The following DEPTOR variants were observed in gnomAD, a reference collection of about 807,000 sequenced individuals.
DEPTOR encodes DEP domain containing MTOR interacting protein, also known as DEP domain-containing mTOR-interacting protein.
Under a neutral mutation model 41.6 loss-of-function variants are expected in DEPTOR, and 41 were observed. The observed-to-expected ratio is 0.98, with a 90% CI of 0.77 to 1.28. The LOEUF is 1.28. Ranked by LOEUF, DEPTOR falls within the 50% of genes most tolerant of loss-of-function variation. The pLI, the probability that DEPTOR is intolerant of heterozygous loss-of-function variation, is 0.00. For synonymous variants in DEPTOR, 195 were observed against 192.3 expected (o/e 1.01, Z -0.12); for missense variants, 514 against 527.9 (o/e 0.97, Z 0.26).
At chr8:119,920,694 G>C (rs532764208) in intron 1 of DEPTOR, among the ~76,000 whole-genome samples, 2 of 152,186 alleles carry the variant, frequency 1.3e-5, no homozygotes, top group African/African-American at 4.8e-5. Context: ...AGGGTGGAAG[G>C]CCTCCTTAGC....
intron 3 of DEPTOR, among the ~76,000 whole-genome samples, chr8:119,934,546 T>A (rs779494885): frequency 6.6e-6 from 1 of 152,152 alleles, no homozygotes; most frequent in Non-Finnish European, 1.5e-5. Flanking sequence ...ATCTGCAGTC[T>A]ACCGTGGAGA....
At chr8:119,958,280 G>C (rs1563976006) in intron 3 of DEPTOR, among the ~76,000 whole-genome samples, 1 of 152,108 alleles carries the variant, frequency 6.6e-6, no homozygotes, top group Non-Finnish European at 1.5e-5. Context: ...CTGTTGCTTG[G>C]ACAACCTGGT....
chr8:119,960,054 C>G (rs557090064), intron 3 of DEPTOR, among the ~76,000 whole-genome samples: 1 of 151,878 alleles, frequency 6.6e-6, no homozygotes, highest in African/African-American at 2.4e-5. Flanking sequence ...ATGGTGAAAC[C>G]TCATTTCTAC....
At chr8:120,024,512 T>G (rs529680857) in intron 8 of DEPTOR, among the ~76,000 whole-genome samples, 2 of 152,178 alleles carry the variant, frequency 1.3e-5, no homozygotes, top group East Asian at 3.9e-4. Flanking sequence ...GTCATAAGGG[T>G]GGGCCTAATC....
At chr8:120,025,870 C>G (rs1812788867) in intron 8 of DEPTOR, among the ~76,000 whole-genome samples, 2 of 152,162 alleles carry the variant, frequency 1.3e-5, no homozygotes, top group South Asian at 4.2e-4. Flanking sequence ...TGGTTTCCCA[C>G]TGCATCCTTA....
At chr8:119,960,982 AAAAG>A (rs149572586) in intron 3 of DEPTOR, among the ~76,000 whole-genome samples, 283 of 151,956 alleles carry the variant, frequency 1.9e-3, no homozygotes, top group Non-Finnish European at 2.8e-3. Context: ...TCCATCTCAA[AAAAG>A]AAAGAAAGAA....
chr8:120,006,815 A>T lies in DEPTOR; in HGVS notation c.936A>T (p.Arg312Ser). The T allele has an allele frequency of 6.2e-7, 1 of 1,614,008 alleles. No homozygotes were observed. Among genetic ancestry groups the T allele is most frequent in the Non-Finnish European group, 8.5e-7 (1 of 1,179,976 alleles). Residue 312 changes from arginine to serine, a missense_variant, in exon 7 of 9, where the codon AGA becomes AGT. Physicochemically the swap from Arg to Ser is moderately radical, Grantham distance 110. Coordinates refer to ENST00000286234, the MANE Select transcript of DEPTOR (RefSeq NM_022783.4). ...VLCNPKSVLK[R>S]PVTSEELLTP... ...GTGTTTGTCTGCCAGTGCTGAAGAG[A>T]CCTGTCACCTCTGAGGAACTCCTTA...
rs143829323 is a variant in DEPTOR at position 119,873,846 on chromosome 8, C to T, written c.-1C>T. On this transcript the variant is annotated 5_prime_UTR_variant, in exon 1 of 9. Coordinates refer to ENST00000286234, the MANE Select transcript of DEPTOR (RefSeq NM_022783.4). ...AGTGGTAGCCGCACGGCCCTAAAACCATGGAGGAGGGCGGCAGCACTGGCA... is the reference window on the plus strand; with the variant it reads ...AGTGGTAGCCGCACGGCCCTAAAACTATGGAGGAGGGCGGCAGCACTGGCA... 9.9e-6 allele frequency: 16 copies of T among 1,612,772 alleles called. No individual in the cohort carries two copies. In the African/African-American group the frequency reaches 2.1e-4, roughly 22 times the overall value.
chr8:120,034,592 C>T (rs913967218), intron 8 of DEPTOR, among the ~76,000 whole-genome samples: 2 of 151,514 alleles, frequency 1.3e-5, no homozygotes, highest in African/African-American at 2.4e-5. Flanking sequence ...GGATTACAGG[C>T]GCCAGCCACC....
intron 3 of DEPTOR, among the ~76,000 whole-genome samples, chr8:119,951,050 C>A (rs1460416729): frequency 6.8e-6 from 1 of 147,100 alleles, no homozygotes; most frequent in Non-Finnish European, 1.5e-5. Flanking sequence ...GGGTTAGACA[C>A]TATCTAATAT....
chr8:119,960,490 G>A (rs1164657341), intron 3 of DEPTOR, among the ~76,000 whole-genome samples: 1 of 152,072 alleles, frequency 6.6e-6, no homozygotes, highest in East Asian at 1.9e-4. Flanking sequence ...CATTCTTCTA[G>A]GAAGAGAGAA....
At chr8:120,009,754 C>T (rs1812502775) in intron 8 of DEPTOR, among the ~76,000 whole-genome samples, 1 of 152,146 alleles carries the variant, frequency 6.6e-6, no homozygotes, top group Non-Finnish European at 1.5e-5. Context: ...TGTCAAATTT[C>T]CTTTTCCCTT....
chr8:120,046,883 G>A (rs556499182), intron 8 of DEPTOR, among the ~76,000 whole-genome samples: 14 of 152,286 alleles, frequency 9.2e-5, no homozygotes, highest in African/African-American at 2.9e-4. Context: ...AGGAAGATAG[G>A]AAGCCGTAAG....
intron 8 of DEPTOR, among the ~76,000 whole-genome samples, chr8:120,012,401 A>G (rs1812543910): frequency 6.6e-6 from 1 of 152,216 alleles, no homozygotes; most frequent in Non-Finnish European, 1.5e-5. Context: ...TGTACTGAAT[A>G]CTGTAGGCAA....
Position 119,967,165 on chromosome 8 carries a change from G to A in DEPTOR, c.604+1755G>A, listed in dbSNP as rs201107156. On this transcript the variant is annotated intron_variant, in intron 4 of 8. Coordinates refer to ENST00000286234, the MANE Select transcript of DEPTOR (RefSeq NM_022783.4). ...ATGATCTTGGCTCACTGCAACTTCC[G>A]CCTCCCAGGTTCAGGTGATGCTTCT... Among the ~76,000 whole-genome samples the A allele has an allele frequency of 3.3e-5, 5 of 151,966 alleles. No homozygotes were observed. The East Asian group carries it at 5.9e-4, about 18-fold the overall frequency.
rs528207512 is a variant in DEPTOR at position 119,928,337 on chromosome 8, G to A, written c.123-63G>A. On this transcript the variant is annotated intron_variant, in intron 1 of 8. Coordinates refer to ENST00000286234, the MANE Select transcript of DEPTOR (RefSeq NM_022783.4). ...CTTCTGTTATGTTATTACTGTCTGG[G>A]ATTGGTTTAATAATTTGTGCTGTCA... The A allele has an allele frequency of 4.5e-4, 685 of 1,537,672 alleles. 1 individual carries two copies. The highest frequency in any genetic ancestry group is 5.8e-4 in the Non-Finnish European group (655 of 1,127,514).
chr8:119,892,283 GCTA>G (rs1446142573), intron 1 of DEPTOR, among the ~76,000 whole-genome samples: 1 of 152,118 alleles, frequency 6.6e-6, no homozygotes, highest in African/African-American at 2.4e-5. Flanking sequence ...ACAGGCATGA[GCTA>G]CTATACCTGG....
chr8:119,984,137 T>A (rs181258716), intron 4 of DEPTOR, among the ~76,000 whole-genome samples: 69 of 152,154 alleles, frequency 4.5e-4, no homozygotes, highest in Admixed American at 3.9e-3. Flanking sequence ...AAAAATAAGG[T>A]CTGAAAAGGC....
intron 4 of DEPTOR, among the ~76,000 whole-genome samples, chr8:119,997,393 C>T (rs1458441630): frequency 6.6e-6 from 1 of 152,080 alleles, no homozygotes; most frequent in East Asian, 1.9e-4. Flanking sequence ...CTCCACCATG[C>T]CTGGCTAATA....
Sources: gnomAD v4.1 joint callset for allele counts (sites outside exome capture counted in the v4.1 genomes callset) on GRCh38, gnomAD v4.1.1 for gene constraint, MANE v1.5 for transcripts, NCBI Gene and HGNC (gene_info 2026-07-23, HGNC 2026-07-21) for gene names.